IPCEF1: variants seen among roughly 807,000 people sequenced by gnomAD.
IPCEF1 encodes the protein interactor protein for cytohesin exchange factors 1.
IPCEF1 carries 31 observed loss-of-function variants against 50.9 expected under a neutral mutation model. That is an observed-to-expected ratio of 0.61 (90% CI 0.46 to 0.82). The LOEUF (loss-of-function observed/expected upper bound fraction) is 0.82. Among genes scored for constraint, IPCEF1 ranks in the 40% least tolerant of loss-of-function variants. The probability of loss-of-function intolerance (pLI) is 0.00; values close to 1 mark genes in which losing one functional copy is unlikely to be tolerated. For missense variants in IPCEF1, 458 were observed against 514.0 expected, an observed-to-expected ratio of 0.89 and a Z score of 1.05; for synonymous variants, 181 against 192.0, an observed-to-expected ratio of 0.94 and a Z score of 0.47.
At chr6:154,283,520 C>T (rs973753655) in intron 2 of IPCEF1, among the ~76,000 whole-genome samples, 3 of 151,806 alleles carry the variant, frequency 2.0e-5, no homozygotes, top group African/African-American at 7.3e-5. Context: ...ATGGTGTGAA[C>T]CTGGGAGGTG....
intron 1 of IPCEF1, among the ~76,000 whole-genome samples, chr6:154,304,786 T>A (rs569139788): frequency 6.6e-6 from 1 of 152,126 alleles, no homozygotes; most frequent in Non-Finnish European, 1.5e-5. Flanking sequence ...AAAATCATCA[T>A]CTGCATTTCT....
chr6:154,185,061 A>G (rs1801216585), intron 10 of IPCEF1, among the ~76,000 whole-genome samples: 1 of 152,224 alleles, frequency 6.6e-6, no homozygotes, highest in Non-Finnish European at 1.5e-5. Context: ...ATCCTGCTAC[A>G]TGGCATGACT....
At chr6:154,284,829 G>A (rs1245180009) in intron 2 of IPCEF1, among the ~76,000 whole-genome samples, 3 of 151,992 alleles carry the variant, frequency 2.0e-5, no homozygotes, top group Non-Finnish European at 2.9e-5. Context: ...GTGAAACCCC[G>A]TCTCTACTAA....
chr6:154,197,389 T>C (rs1273377381), intron 10 of IPCEF1, among the ~76,000 whole-genome samples: 1 of 152,220 alleles, frequency 6.6e-6, no homozygotes, highest in African/African-American at 2.4e-5. Context: ...TCAGTTCTTC[T>C]GGGAATTTAA....
intron 3 of IPCEF1, among the ~76,000 whole-genome samples, chr6:154,259,512 C>G (rs969893555): frequency 7.2e-5 from 11 of 152,044 alleles, no homozygotes; most frequent in East Asian, 5.8e-4. Context: ...ATTAGCCGGG[C>G]GTGGTGGCAT....
rs138636919 is a variant in IPCEF1 at position 154,318,036 on chromosome 6, G to T, written c.-61-28280C>A. Among the ~76,000 whole-genome samples the T allele has an allele frequency of 2.2e-4, 33 of 152,266 alleles. No homozygotes were observed. The East Asian group carries it at 5.4e-3, about 25-fold the overall frequency. On this transcript the variant is annotated intron_variant, in intron 1 of 11. Transcript: ENST00000367220. ...AAAATACTACTGATAATTTACCCAA[G>T]AGCATAGATTAATCTCACACACATT... is the stretch of plus-strand genomic sequence containing the variant.
intron 11 of IPCEF1, among the ~76,000 whole-genome samples, chr6:154,161,084 A>C (rs762386013): frequency 6.6e-6 from 1 of 151,646 alleles, no homozygotes; most frequent in Non-Finnish European, 1.5e-5. Flanking sequence ...ACTAGCTCAC[A>C]CCTCCGTGTT....
At chr6:154,293,311 G>A (rs114807200) in intron 1 of IPCEF1, among the ~76,000 whole-genome samples, 3 of 152,156 alleles carry the variant, frequency 2.0e-5, no homozygotes, top group Admixed American at 1.3e-4. Flanking sequence ...CCAGGTCAGC[G>A]CAACTGCAGA....
rs544931239 is a variant in IPCEF1, at chr6:154,174,244, C to G, written c.911-6131G>C. ...TGCCAAATTGTAAAGACCATCAATG[C>G]TAGGAAGAAACTGCATCAATTAATG... On this transcript the variant is annotated intron_variant, in intron 10 of 11. Transcript: ENST00000367220. Among the ~76,000 whole-genome samples the G allele has an allele frequency of 1.2e-4, 18 of 152,242 alleles. No individual in the cohort carries two copies. In the East Asian group the frequency reaches 3.5e-3, roughly 29 times the overall value.
intron 1 of IPCEF1, among the ~76,000 whole-genome samples, chr6:154,309,600 C>T (rs765657080): frequency 1.2e-4 from 18 of 152,088 alleles, no homozygotes; most frequent in African/African-American, 2.2e-4. Flanking sequence ...TTGGAGAAGG[C>T]ATATTTACTG....
At chr6:154,167,477 T>C (rs1799533889) in intron 11 of IPCEF1, among the ~76,000 whole-genome samples, 1 of 152,212 alleles carries the variant, frequency 6.6e-6, no homozygotes, top group African/African-American at 2.4e-5. Flanking sequence ...CATTTCCTTC[T>C]GGATGCAGTC....
chr6:154,240,614 C>G (rs1384702126), intron 5 of IPCEF1, among the ~76,000 whole-genome samples: 3 of 152,034 alleles, frequency 2.0e-5, no homozygotes, highest in Non-Finnish European at 4.4e-5. Flanking sequence ...ACATTTTCTA[C>G]ATGGGTAATT....
intron 5 of IPCEF1, among the ~76,000 whole-genome samples, chr6:154,242,981 G>A (rs1369959452): frequency 6.6e-6 from 1 of 152,168 alleles, no homozygotes; most frequent in Non-Finnish European, 1.5e-5. Flanking sequence ...CTAGAAGAAG[G>A]CTATTTAAGC....
At chr6:154,227,723 A>T (rs574493797) in intron 5 of IPCEF1, among the ~76,000 whole-genome samples, 14 of 152,192 alleles carry the variant, frequency 9.2e-5, no homozygotes, top group Non-Finnish European at 1.6e-4. Context: ...TCTCAAAAAA[A>T]AATTAATTAA....
intron 11 of IPCEF1, among the ~76,000 whole-genome samples, chr6:154,164,633 T>C (rs543740710): frequency 1.3e-5 from 2 of 152,310 alleles, no homozygotes; most frequent in Admixed American, 6.5e-5. Flanking sequence ...TTTCAGTTTT[T>C]ACTCCAAATA....
intron 1 of IPCEF1, among the ~76,000 whole-genome samples, chr6:154,309,229 C>G (rs1426131185): frequency 6.6e-6 from 1 of 152,196 alleles, no homozygotes; most frequent in Non-Finnish European, 1.5e-5. Context: ...TACATGGTCT[C>G]AGAACGCCAA....
At chr6:154,211,350 A>C (rs1777947266) in intron 9 of IPCEF1, among the ~76,000 whole-genome samples, 1 of 151,990 alleles carries the variant, frequency 6.6e-6, no homozygotes, top group South Asian at 2.1e-4. Flanking sequence ...CAGAGCTTGC[A>C]GTGAGCCAAG....
chr6:154,190,364 G>A (rs4870271), intron 10 of IPCEF1, among the ~76,000 whole-genome samples: 101,858 of 152,068 alleles, frequency 0.67, 34,691 homozygotes, highest in East Asian at 0.89. Context: ...GCCATCTTAT[G>A]TTAAAGAAAA....
Position 154,158,587 on chromosome 6 carries a change from G to A in IPCEF1, c.*1241C>T, listed in dbSNP as rs1191393381. 1 of 152,040 alleles carries A rather than the reference G, an allele frequency of 6.6e-6. No individual in the cohort carries two copies. The highest frequency in any genetic ancestry group is 1.9e-4 in the East Asian group (1 of 5,194). The allele number at this position is 152,040 out of a possible 1,614,324, so 9.4% of individuals were successfully genotyped here. On this transcript the variant is annotated 3_prime_UTR_variant, in exon 12 of 12. Coordinates refer to ENST00000367220, the MANE Select transcript of IPCEF1 (RefSeq NM_001130700.2). ...TTAAGAGCTCATGGGGGTTGGGGTG[G>A]GGAAGAAAATGAAAAATTATGAATG... is the stretch of plus-strand genomic sequence containing the variant.
Sources: gnomAD v4.1 joint callset for allele counts (sites outside exome capture counted in the v4.1 genomes callset) on GRCh38, gnomAD v4.1.1 for gene constraint, MANE v1.5 for transcripts, NCBI Gene and HGNC (gene_info 2026-07-23, HGNC 2026-07-21) for gene names.